The following HTR4 variants were observed in gnomAD, a reference collection of about 807,000 sequenced individuals.
HTR4 encodes 5-hydroxytryptamine (serotonin) receptor 4, G protein-coupled.
Under a neutral mutation model 36.8 loss-of-function variants are expected in HTR4, and 16 were observed. That is an observed-to-expected ratio of 0.43 (90% CI 0.29 to 0.66). The LOEUF is 0.66. Among genes scored for constraint, HTR4 ranks in the 30% least tolerant of loss-of-function variants. The probability of loss-of-function intolerance (pLI) is 0.13; values close to 1 mark genes in which losing one functional copy is unlikely to be tolerated. For missense variants in HTR4, 438 were observed against 490.9 expected (o/e 0.89, Z 1.02); for synonymous variants, 189 against 185.1 (o/e 1.02, Z -0.17).
rs545445218 is a variant in HTR4, at chr5:148,493,537, A to G, written c.1077-10244T>C. Among the ~76,000 whole-genome samples, 40 of 152,358 alleles carry G rather than the reference A, an allele frequency of 2.6e-4. No homozygotes were observed. The Middle Eastern group carries it at 0.01, about 39-fold the overall frequency. ...AAGTGAATGATAAATTGATTCATGT[A>G]TCAACGATAAATGAATGATAAATTT... On this transcript the variant is annotated intron_variant, in intron 6 of 6. Transcript: ENST00000377888.
intron 2 of HTR4, among the ~76,000 whole-genome samples, chr5:148,623,238 C>A (rs898722392): frequency 2.6e-5 from 4 of 152,078 alleles, no homozygotes; most frequent in Non-Finnish European, 4.4e-5. Flanking sequence ...TCAGAGACTG[C>A]AATGGAAGCA....
At chr5:148,483,798 A>G (rs1756009674) in intron 6 of HTR4, among the ~76,000 whole-genome samples, 1 of 152,154 alleles carries the variant, frequency 6.6e-6, no homozygotes, top group Non-Finnish European at 1.5e-5. Context: ...CTATTAATGT[A>G]GTCAAATTCA....
At chr5:148,563,772 G>T (rs1182251992) in intron 2 of HTR4, among the ~76,000 whole-genome samples, 5 of 152,270 alleles carry the variant, frequency 3.3e-5, no homozygotes, top group Non-Finnish European at 7.4e-5. Context: ...AAGTAACCTT[G>T]TTGAAGTATA....
At chr5:148,538,357 TG>T (rs1286798400) in intron 4 of HTR4, among the ~76,000 whole-genome samples, 3 of 152,028 alleles carry the variant, frequency 2.0e-5, no homozygotes, top group Non-Finnish European at 4.4e-5. Flanking sequence ...CTAATAGTAT[TG>T]GAAGTCCTAG....
In HTR4 at chr5:148,654,525, T is replaced by A; in HGVS notation, c.-511A>T. 1.0e-6 allele frequency: 1 copy of A among 983,448 alleles called. No homozygotes were observed. Among genetic ancestry groups the A allele is most frequent in the Non-Finnish European group, 1.2e-6 (1 of 828,120 alleles). The allele number at this position is 983,448 out of a possible 1,614,324, so 60.9% of individuals were successfully genotyped here. ...CCCTCCCTGGCCGGAGCGCTGCTCATCTGATGGAGGGCAGGAAGGAGCCCT... is the reference window on the plus strand; with the variant it reads ...CCCTCCCTGGCCGGAGCGCTGCTCAACTGATGGAGGGCAGGAAGGAGCCCT... On this transcript the variant is annotated 5_prime_UTR_variant, in exon 1 of 7. An upstream start codon of the reference 5' UTR is lost. Transcript: ENST00000377888.
chr5:148,537,388 C>T (rs2113824977), intron 4 of HTR4, among the ~76,000 whole-genome samples: 1 of 152,054 alleles, frequency 6.6e-6, no homozygotes, highest in Non-Finnish European at 1.5e-5. Context: ...TAACCAAAAT[C>T]AGAACTGAAT....
intron 2 of HTR4, among the ~76,000 whole-genome samples, chr5:148,583,860 C>G (rs7703941): frequency 0.29 from 43,652 of 151,752 alleles, 9,012 homozygotes; most frequent in African/African-American, 0.59. Context: ...GGTTGAAGCT[C>G]TAGTCCTGGA....
Position 148,481,751 on chromosome 5 carries a change from C to A in HTR4, c.*1452G>T, listed in dbSNP as rs1755896842. The A allele has an allele frequency of 1.4e-6, 2 of 1,430,090 alleles. No individual in the cohort carries two copies. Among genetic ancestry groups the A allele is most frequent in the Non-Finnish European group, 1.8e-6 (2 of 1,101,794 alleles). 88.6% of individuals were successfully genotyped at this position (1,430,090 alleles called of 1,614,324 possible). On this transcript the variant is annotated 3_prime_UTR_variant, in exon 7 of 7. Coordinates refer to ENST00000377888, the MANE Select transcript of HTR4 (RefSeq NM_000870.7). ...AGCCAAGATCAAAGTCAGAATCTCA[C>A]ATGGCTCTGGGTTTGGCATTTACCT...
intron 2 of HTR4, among the ~76,000 whole-genome samples, chr5:148,559,879 T>C (rs750205543): frequency 6.3e-4 from 96 of 152,272 alleles, no homozygotes; most frequent in South Asian, 8.3e-4. Context: ...TCCCCGCTTA[T>C]AAAGCTTTTT....
chr5:148,496,031 C>T (rs1436493100), intron 6 of HTR4, among the ~76,000 whole-genome samples: 17 of 152,060 alleles, frequency 1.1e-4, no homozygotes, highest in Non-Finnish European at 2.2e-4. Context: ...ACTCAGGAGG[C>T]GGAGGTTGCA....
intron 2 of HTR4, among the ~76,000 whole-genome samples, chr5:148,602,477 G>A (rs1040005501): frequency 6.6e-6 from 1 of 152,124 alleles, no homozygotes; most frequent in Admixed American, 6.6e-5. Context: ...ATGCAGATAA[G>A]GCAAGGCTTA....
chr5:148,602,544 A>T (rs1005105357), intron 2 of HTR4, among the ~76,000 whole-genome samples: 4 of 152,172 alleles, frequency 2.6e-5, no homozygotes, highest in Non-Finnish European at 5.9e-5. Context: ...TAAGAATATA[A>T]TTTTTTCAAA....
chr5:148,621,815 T>A (rs561395634), intron 2 of HTR4, among the ~76,000 whole-genome samples: 1 of 152,284 alleles, frequency 6.6e-6, no homozygotes, highest in East Asian at 1.9e-4. Flanking sequence ...CAAAAAATGG[T>A]CTACAGGTCA....
At chr5:148,458,598 G>A (rs1755186229) in intron 5 of HTR4, among the ~76,000 whole-genome samples, 1 of 152,176 alleles carries the variant, frequency 6.6e-6, no homozygotes, top group Non-Finnish European at 1.5e-5. Context: ...GGAAGCGACA[G>A]GAGATGAGAA....
chr5:148,581,573 CA>C (rs1761136880), intron 2 of HTR4, among the ~76,000 whole-genome samples: 1 of 151,980 alleles, frequency 6.6e-6, no homozygotes, highest in African/African-American at 2.4e-5. Context: ...GTTTTCCCCC[CA>C]AAAAATTATT....
chr5:148,465,834 A>G, intron 5 of HTR4: 1 of 1,604,992 alleles, frequency 6.2e-7, no homozygotes, highest in Non-Finnish European at 8.5e-7. Context: ...CTCACAACAG[A>G]CAGTGACAGA....
chr5:148,620,380 G>A (rs567688453), intron 2 of HTR4, among the ~76,000 whole-genome samples: 1 of 152,350 alleles, frequency 6.6e-6, no homozygotes, highest in South Asian at 2.1e-4. Flanking sequence ...AGTAGGAAGG[G>A]AAGGTGGTGA....
intron 2 of HTR4, among the ~76,000 whole-genome samples, chr5:148,606,706 T>A (rs1752177892): frequency 6.6e-6 from 1 of 152,248 alleles, no homozygotes; most frequent in African/African-American, 2.4e-5. Flanking sequence ...TGAGTTATTT[T>A]AAATTTTATT....
Position 148,482,904 on chromosome 5 carries a change from C to T in HTR4, c.*299G>A. 1 of 1,290,288 alleles carries T rather than the reference C, an allele frequency of 7.8e-7. No individual in the cohort carries two copies. The highest frequency in any genetic ancestry group is 9.9e-7 in the Non-Finnish European group (1 of 1,008,542). 79.9% of individuals were successfully genotyped at this position (1,290,288 alleles called of 1,614,324 possible). On this transcript the variant is annotated 3_prime_UTR_variant, in exon 7 of 7. Coordinates refer to ENST00000377888, the MANE Select transcript of HTR4 (RefSeq NM_000870.7). ...GAACGTGAGTGAGACAGATCAGACACAGTGAGTGACGGGAACATGTCAGAG... is the reference window on the plus strand; with the variant it reads ...GAACGTGAGTGAGACAGATCAGACATAGTGAGTGACGGGAACATGTCAGAG...
Sources: allele counts gnomAD v4.1 joint callset (sites outside exome capture counted in the v4.1 genomes callset), GRCh38; gene constraint gnomAD v4.1.1; transcripts MANE v1.5; gene names NCBI Gene and HGNC (gene_info 2026-07-23, HGNC 2026-07-21).